Variants in NRG3 observed in about 807,000 individuals in gnomAD.
NRG3 encodes pro-neuregulin-3, membrane-bound isoform.
Under a neutral mutation model 66.9 loss-of-function variants are expected in NRG3, and 31 were observed. That is an observed-to-expected ratio of 0.46 (90% CI 0.35 to 0.63). NRG3 has a LOEUF of 0.63. NRG3 is among the 20% of genes least tolerant of loss of function. The probability of loss-of-function intolerance (pLI) is 0.00; values close to 1 mark genes in which losing one functional copy is unlikely to be tolerated. For synonymous variants in NRG3, 393 were observed against 359.4 expected (o/e 1.09, Z -1.06); for missense variants, 910 against 878.9 (o/e 1.04, Z -0.45).
rs972424139 is a variant in NRG3 at position 82,530,098 on chromosome 10, T to C, written c.953+171230T>C. 5.3e-5 allele frequency among the ~76,000 whole-genome samples: 8 copies of C among 152,270 alleles called. No individual in the cohort carries two copies. The South Asian group carries it at 8.3e-4, about 16-fold the overall frequency. ...ATTCCAACGTAGGTAATGCATCTCATGGTAATTTCAACGCTACAAGAAATT... is the reference window on the plus strand; with the variant it reads ...ATTCCAACGTAGGTAATGCATCTCACGGTAATTTCAACGCTACAAGAAATT... On this transcript the variant is annotated intron_variant, in intron 2 of 8. Coordinates refer to ENST00000372141, the MANE Select transcript of NRG3 (RefSeq NM_001010848.4).
chr10:82,872,894 A>G (rs1012471584), intron 4 of NRG3, among the ~76,000 whole-genome samples: 1 of 152,132 alleles, frequency 6.6e-6, no homozygotes, highest in African/African-American at 2.4e-5. Context: ...CATTAAAGCA[A>G]GACTTGCTAT....
At chr10:82,730,486 A>G (rs2057846603) in intron 2 of NRG3, among the ~76,000 whole-genome samples, 1 of 152,222 alleles carries the variant, frequency 6.6e-6, no homozygotes, top group Non-Finnish European at 1.5e-5. Flanking sequence ...TGTATGATGT[A>G]TTTGAAATCT....
intron 2 of NRG3, among the ~76,000 whole-genome samples, chr10:82,426,941 G>A (rs2089486676): frequency 6.6e-6 from 1 of 152,012 alleles, no homozygotes; most frequent in Non-Finnish European, 1.5e-5. Context: ...ATAAGCCACT[G>A]TGCCCAGCCT....
At chr10:82,866,645 G>A (rs922250646) in intron 4 of NRG3, among the ~76,000 whole-genome samples, 12 of 152,100 alleles carry the variant, frequency 7.9e-5, no homozygotes, top group African/African-American at 2.7e-4. Flanking sequence ...CAAATGAAGC[G>A]CGATGGAATG....
intron 1 of NRG3, among the ~76,000 whole-genome samples, chr10:82,082,878 G>T: frequency 6.6e-6 from 1 of 151,816 alleles, no homozygotes; most frequent in East Asian, 1.9e-4. Flanking sequence ...AAACTATCAT[G>T]AATGTATTTA....
At chr10:82,927,489 C>G (rs1384722894) in intron 4 of NRG3, among the ~76,000 whole-genome samples, 1 of 152,028 alleles carries the variant, frequency 6.6e-6, no homozygotes, top group Non-Finnish European at 1.5e-5. Context: ...TGCTATCCCT[C>G]CCCTGGCCCC....
chr10:81,981,635 C>G (rs2060336134), intron 1 of NRG3, among the ~76,000 whole-genome samples: 1 of 152,202 alleles, frequency 6.6e-6, no homozygotes, highest in Admixed American at 6.5e-5. Flanking sequence ...AAGAGACAGC[C>G]TTGGCTTTCC....
At chr10:82,675,223 C>T (rs2053595635) in intron 2 of NRG3, among the ~76,000 whole-genome samples, 1 of 152,134 alleles carries the variant, frequency 6.6e-6, no homozygotes, top group South Asian at 2.1e-4. Context: ...TCCCAAAGTG[C>T]TGGGATTACA....
intron 1 of NRG3, among the ~76,000 whole-genome samples, chr10:81,892,733 G>A (rs947264511): frequency 2.0e-5 from 3 of 152,220 alleles, no homozygotes; most frequent in Admixed American, 1.3e-4. Context: ...TAGAAAGAAC[G>A]AGTAAGAGCT....
chr10:82,722,772 C>A (rs2057384638), intron 2 of NRG3, among the ~76,000 whole-genome samples: 2 of 152,112 alleles, frequency 1.3e-5, no homozygotes, highest in African/African-American at 4.8e-5. Context: ...GAATGAAAGT[C>A]ATTTACTCCG....
chr10:82,243,002 TAAGAA>T (rs2077072181), intron 1 of NRG3, among the ~76,000 whole-genome samples: 1 of 152,154 alleles, frequency 6.6e-6, no homozygotes, highest in South Asian at 2.1e-4. Context: ...ACTTGATCCT[TAAGAA>T]AAGCAAACAA....
intron 3 of NRG3, among the ~76,000 whole-genome samples, chr10:82,861,148 CTGTG>C (rs149845022): frequency 1.7e-4 from 25 of 149,296 alleles, no homozygotes; most frequent in African/African-American, 6.1e-4. Flanking sequence ...GTGTGTGTGT[CTGTG>C]TGTGTGTGTG....
chr10:82,629,018 T>G (rs1251668005), intron 2 of NRG3, among the ~76,000 whole-genome samples: 2 of 152,180 alleles, frequency 1.3e-5, no homozygotes, highest in Non-Finnish European at 2.9e-5. Context: ...CTTTCTGAAA[T>G]TCATTTATTC....
chr10:82,055,546 T>A (rs1218695267), intron 1 of NRG3, among the ~76,000 whole-genome samples: 2 of 145,600 alleles, frequency 1.4e-5, no homozygotes, highest in African/African-American at 5.1e-5. Flanking sequence ...CTGACTGGAG[T>A]GAGGTAAAGA....
intron 4 of NRG3, among the ~76,000 whole-genome samples, chr10:82,900,433 AATT>A (rs2131873889): frequency 6.6e-6 from 1 of 152,270 alleles, no homozygotes; most frequent in East Asian, 1.9e-4. Context: ...CATTACTGTA[AATT>A]ATTATAAATG....
intron 3 of NRG3, among the ~76,000 whole-genome samples, chr10:82,797,124 A>T (rs1490267684): frequency 1.3e-5 from 2 of 152,130 alleles, no homozygotes; most frequent in Non-Finnish European, 2.9e-5. Context: ...TTTTTACTCC[A>T]TTGCGTTCGA....
intron 3 of NRG3, among the ~76,000 whole-genome samples, chr10:82,855,524 G>A (rs1591737515): frequency 6.6e-6 from 1 of 151,882 alleles, no homozygotes; most frequent in East Asian, 1.9e-4. Flanking sequence ...CAGCCTTCCT[G>A]GTAGCTGGGA....
chr10:82,863,030 G>T (rs945732013), intron 3 of NRG3, among the ~76,000 whole-genome samples: 96 of 151,906 alleles, frequency 6.3e-4, no homozygotes, highest in African/African-American at 2.2e-3. Context: ...CCCCCAACAG[G>T]CCCCAGTGTG....
chr10:82,613,527 T>C (rs191671792), intron 2 of NRG3, among the ~76,000 whole-genome samples: 57 of 151,894 alleles, frequency 3.8e-4, no homozygotes, highest in Non-Finnish European at 5.9e-4. Flanking sequence ...AAATTAATAT[T>C]TTTAAGCAAT....
Sources: gnomAD v4.1 joint callset for allele counts (sites outside exome capture counted in the v4.1 genomes callset) on GRCh38, gnomAD v4.1.1 for gene constraint, MANE v1.5 for transcripts, NCBI Gene and HGNC (gene_info 2026-07-23, HGNC 2026-07-21) for gene names.